Variants in MYO10 observed in about 807,000 individuals in gnomAD.
MYO10 encodes myosin X.
MYO10 carries 133 observed loss-of-function variants against 257.3 expected under a neutral mutation model. The observed-to-expected ratio is 0.52, with a 90% CI of 0.45 to 0.60. MYO10 has a LOEUF of 0.60. Ranked by LOEUF, MYO10 falls within the 20% of genes least tolerant of loss-of-function variation. MYO10 has a pLI of 0.00. For missense variants in MYO10, 2,399 were observed against 2,635.7 expected, an observed-to-expected ratio of 0.91 and a Z score of 1.97; for synonymous variants, 1,104 against 1,028.6, an observed-to-expected ratio of 1.07 and a Z score of -1.40.
At chr5:16,774,371 A>C (rs2126662356) in intron 9 of MYO10, among the ~76,000 whole-genome samples, 1 of 152,298 alleles carries the variant, frequency 6.6e-6, no homozygotes, top group Admixed American at 6.5e-5. Context: ...GTAAATTACA[A>C]GTAAGTAACT....
Position 16,671,426 on chromosome 5 carries a change from T to C in MYO10, c.5426A>G (p.Glu1809Gly), listed in dbSNP as rs754023773. ...GTTTCTAACTATTCCTTTTACCTGT[T>C]CAAACATAAATGCAAACTCCACACT... Reference protein sequence around the residue: ...KDSVEFAFMFEQAHEAVIHGH... With the variant: ...KDSVEFAFMFGQAHEAVIHGH... The change falls in exon 38 of 41, where the codon GAA becomes GGA. Residue 1809 changes from glutamate (E) to glycine (G), a missense_variant. This residue lies in a region of MYO10 where 1,820 missense variants were observed against 1,939.4 expected (regional missense o/e 0.94). Coordinates refer to ENST00000513610, the MANE Select transcript of MYO10 (RefSeq NM_012334.3). 1 of 1,613,898 alleles carries C rather than the reference T, an allele frequency of 6.2e-7. No individual in the cohort carries two copies. The highest frequency in any genetic ancestry group is 1.7e-5 in the Admixed American group (1 of 60,020).
rs1301997006 is a variant in MYO10 at position 16,702,975 on chromosome 5, T to C, written c.2460A>G (p.Glu820=). ...TTTCTTCCTCTTCCTGTTTCTTCTT[T>C]TCTTCTTGCTCCCTTTTCTCTGCCA... ...QLLAEKREQE[E]KKKQEEEEKK... is the part of the protein sequence containing the mutation. The change falls in exon 23 of 41, where the codon GAA becomes GAG. Residue 820 remains glutamate, a synonymous_variant. Transcript: ENST00000513610. The C allele has an allele frequency of 2.6e-6, 4 of 1,552,128 alleles. 1 individual carries two copies. In the South Asian group the frequency reaches 3.6e-5, roughly 14 times the overall value.
intron 2 of MYO10, chr5:16,853,908 A>T (rs2126738863): frequency 6.6e-6 from 1 of 151,940 alleles, no homozygotes; most frequent in African/African-American, 2.4e-5. Flanking sequence ...AGCCTTCCTT[A>T]TCTTTCAATC....
chr5:16,666,505 A>AGCTT lies in MYO10; in HGVS notation c.*183_*186dup. 1 of 550,224 alleles carries AGCTT rather than the reference A, an allele frequency of 1.8e-6. No individual in the cohort carries two copies. The highest frequency in any genetic ancestry group is 3.3e-5 in the Admixed American group (1 of 30,066). 34.1% of individuals were successfully genotyped at this position (550,224 alleles called of 1,614,324 possible). A position where few individuals can be genotyped will look rare whatever the true frequency, so the allele number is the denominator to read the frequency against. On this transcript the variant is annotated 3_prime_UTR_variant, in exon 41 of 41. Transcript: ENST00000513610. ...AACTGTGCAGACTGTTAAAGTTGACAGCTTAATACAGGATCAATGAAGGCG... is the reference window on the plus strand; with the variant it reads ...AACTGTGCAGACTGTTAAAGTTGACAGCTTGCTTAATACAGGATCAATGAAGGCG...
rs1740804768 is a variant in MYO10 at position 16,764,347 on chromosome 5, A to C, written c.1229T>G (p.Phe410Cys). 1 of 1,613,814 alleles carries C rather than the reference A, an allele frequency of 6.2e-7. No individual in the cohort carries two copies. The highest frequency in any genetic ancestry group is 8.5e-7 in the Non-Finnish European group (1 of 1,179,894). ...GTTGATCTTCTTGATTACCCACTCAAAGCAGCACGCATACAGAGCCATGGC... is the reference window on the plus strand; with the variant it reads ...GTTGATCTTCTTGATTACCCACTCACAGCAGCACGCATACAGAGCCATGGC... The part of the protein sequence containing the change: ...SLAMALYACC[F>C]EWVIKKINSR... The change falls in exon 12 of 41, where the codon TTT becomes TGT. Residue 410 changes from phenylalanine (F) to cysteine (C), a missense_variant. Physicochemically the swap from Phe to Cys is radical, Grantham distance 205. Around this residue, in one of 3 missense-constraint regions of MYO10, gnomAD observed 337 missense variants for 446.8 expected, o/e 0.75. Transcript: ENST00000513610.
chr5:16,773,458 T>C (rs540987859), intron 9 of MYO10, among the ~76,000 whole-genome samples: 41 of 152,224 alleles, frequency 2.7e-4, no homozygotes, highest in African/African-American at 1.2e-4. Flanking sequence ...TAATATATAA[T>C]CATTTTTTAG....
intron 14 of MYO10, among the ~76,000 whole-genome samples, chr5:16,763,001 C>T (rs982342446): frequency 4.0e-5 from 6 of 150,368 alleles, no homozygotes; most frequent in South Asian, 2.1e-4. Flanking sequence ...TGAATGTGTG[C>T]GTCCCAAACT....
At chr5:16,859,209 T>A (rs948372812) in intron 2 of MYO10, among the ~76,000 whole-genome samples, 2 of 152,182 alleles carry the variant, frequency 1.3e-5, no homozygotes, top group Non-Finnish European at 2.9e-5. Flanking sequence ...AGAAATCTAT[T>A]TCTCCTGGTT....
intron 9 of MYO10, among the ~76,000 whole-genome samples, chr5:16,771,177 T>A (rs1199125704): frequency 6.6e-6 from 1 of 152,048 alleles, no homozygotes; most frequent in Non-Finnish European, 1.5e-5. Flanking sequence ...GCGATAAAAA[T>A]AGGGAGAAAT....
At chr5:16,825,676 T>C (rs1476687232) in intron 2 of MYO10, among the ~76,000 whole-genome samples, 4 of 152,114 alleles carry the variant, frequency 2.6e-5, no homozygotes, top group African/African-American at 9.7e-5. Context: ...AAATGGGTAT[T>C]ATACATACAG....
chr5:16,823,664 A>G (rs1395709501), intron 2 of MYO10, among the ~76,000 whole-genome samples: 81 of 150,024 alleles, frequency 5.4e-4, no homozygotes, highest in South Asian at 3.6e-3. Context: ...TAGTAGAGAC[A>G]GGTTTCACCG....
rs977952600 is a variant in MYO10, at chr5:16,812,014, G to A, written c.279+5995C>T. On this transcript the variant is annotated intron_variant, in intron 3 of 40. Coordinates refer to ENST00000513610, the MANE Select transcript of MYO10 (RefSeq NM_012334.3). ...TTGCCCTTGCCAGGTCTTAGCAGGCGGTGACAGGAGATGAAGAAGTCTAGG... is the reference window on the plus strand; with the variant it reads ...TTGCCCTTGCCAGGTCTTAGCAGGCAGTGACAGGAGATGAAGAAGTCTAGG... Among the ~76,000 whole-genome samples, 4 of 152,146 alleles carry A rather than the reference G, an allele frequency of 2.6e-5. No individual in the cohort carries two copies. In the East Asian group the frequency reaches 7.7e-4, roughly 29 times the overall value.
At position 16,671,411 on chromosome 5, in the gene MYO10, A is replaced by C. The variant is rs1401373285; in HGVS notation, c.5430+11T>G. 2 of 1,613,702 alleles carry C rather than the reference A, an allele frequency of 1.2e-6. No homozygotes were observed. Among genetic ancestry groups the C allele is most frequent in the East Asian group, 4.5e-5 (2 of 44,876 alleles). ...CCGGCAAAGAAATCTGTTTCTAACT[A>C]TTCCTTTTACCTGTTCAAACATAAA... On this transcript the variant is annotated intron_variant, in intron 38 of 40. Transcript: ENST00000513610.
intron 2 of MYO10, among the ~76,000 whole-genome samples, chr5:16,823,614 G>C (rs911324254): frequency 1.3e-4 from 20 of 150,122 alleles, no homozygotes; most frequent in Non-Finnish European, 7.4e-5. Context: ...TGGGACTACA[G>C]GCGCCCGCCA....
At chr5:16,780,948 G>C (rs1200766535) in intron 6 of MYO10, among the ~76,000 whole-genome samples, 2 of 152,050 alleles carry the variant, frequency 1.3e-5, no homozygotes, top group East Asian at 1.9e-4. Flanking sequence ...ATGGTACCCT[G>C]TCAGGTACCA....
rs189190333 is a variant in MYO10 at position 16,752,858 on chromosome 5, C to G, written c.1929+1970G>C. ...ACTATTAATTTCCTACACTATGTCC[C>G]CAAAAAAGCTATGCATTTTTTTATG... On this transcript the variant is annotated intron_variant, in intron 19 of 40. Transcript: ENST00000513610. 3.4e-3 allele frequency among the ~76,000 whole-genome samples: 516 copies of G among 152,226 alleles called. 5 individuals are homozygous for G. Among genetic ancestry groups the G allele is most frequent in the African/African-American group, 0.012 (490 of 41,532 alleles).
intron 2 of MYO10, among the ~76,000 whole-genome samples, chr5:16,832,299 C>T (rs76449497): frequency 0.021 from 3,159 of 152,280 alleles, 117 homozygotes; most frequent in African/African-American, 0.073. Context: ...AGCTTGTATA[C>T]ATTTCTAGGC....
chr5:16,826,106 C>A (rs1185875083), intron 2 of MYO10, among the ~76,000 whole-genome samples: 2 of 151,128 alleles, frequency 1.3e-5, no homozygotes, highest in African/African-American at 2.4e-5. Context: ...CAAGACTGCA[C>A]CACTGCACTC....
chr5:16,678,918 G>A (rs1561173981), intron 33 of MYO10, among the ~76,000 whole-genome samples: 1 of 152,174 alleles, frequency 6.6e-6, no homozygotes, highest in African/African-American at 2.4e-5. Flanking sequence ...TTCTGCACCC[G>A]GGACTGACCG....
Sources: gnomAD v4.1 joint callset for allele counts (sites outside exome capture counted in the v4.1 genomes callset) on GRCh38, gnomAD v4.1.1 for gene constraint, gnomAD v4.1.1 regional missense constraint, MANE v1.5 for transcripts, NCBI Gene and HGNC (gene_info 2026-07-23, HGNC 2026-07-21) for gene names.